KCNMA1: variants seen among roughly 807,000 people sequenced by gnomAD.
The protein encoded by KCNMA1 is Calcium-activated potassium channel subunit alpha-1.
A neutral mutation model predicts 140.0 loss-of-function variants in KCNMA1; 29 were observed. The observed-to-expected ratio is 0.21, with a 90% CI of 0.15 to 0.28. The LOEUF (loss-of-function observed/expected upper bound fraction) is 0.28, where lower values mean the gene tolerates loss of function less well. KCNMA1 is among the 10% of genes least tolerant of loss of function. KCNMA1 has a pLI of 1.00. For missense variants in KCNMA1, 880 were observed against 1,602.2 expected (o/e 0.55, Z 7.70); for synonymous variants, 612 against 611.9 (o/e 1.00, Z 0.00).
intron 2 of KCNMA1, among the ~76,000 whole-genome samples, chr10:77,314,917 AC>A: frequency 7.9e-6 from 1 of 126,440 alleles, no homozygotes; most frequent in South Asian, 2.8e-4. Flanking sequence ...ACACCACCAC[AC>A]CCCCAACACA....
intron 1 of KCNMA1, among the ~76,000 whole-genome samples, chr10:77,632,436 C>T (rs1426790300): frequency 6.6e-6 from 1 of 152,196 alleles, no homozygotes; most frequent in South Asian, 2.1e-4. Flanking sequence ...CCACCAAATG[C>T]CACAGTGTTT....
chr10:77,561,489 C>A (rs541724570), intron 1 of KCNMA1, among the ~76,000 whole-genome samples: 1 of 152,198 alleles, frequency 6.6e-6, no homozygotes, highest in Non-Finnish European at 1.5e-5. Flanking sequence ...AGGGTTTGAA[C>A]CCAGATGGTC....
At chr10:77,522,854 C>G (rs982846855) in intron 1 of KCNMA1, among the ~76,000 whole-genome samples, 2 of 152,172 alleles carry the variant, frequency 1.3e-5, no homozygotes, top group Non-Finnish European at 2.9e-5. Flanking sequence ...TTAATAAACC[C>G]AAACTCTTCC....
At chr10:77,343,217 T>C (rs895182534) in intron 2 of KCNMA1, among the ~76,000 whole-genome samples, 3 of 152,190 alleles carry the variant, frequency 2.0e-5, no homozygotes, top group African/African-American at 7.2e-5. Flanking sequence ...CCAGTAACTG[T>C]TGACAATGGT....
At chr10:77,367,775 G>A (rs1400027115) in intron 2 of KCNMA1, among the ~76,000 whole-genome samples, 3 of 152,136 alleles carry the variant, frequency 2.0e-5, no homozygotes, top group African/African-American at 7.2e-5. Context: ...ACCTATCCAA[G>A]GAAGTAACAT....
In KCNMA1 at chr10:77,134,997, C is replaced by CA. The variant is rs71028253; in HGVS notation, c.809-13950dup. ...TGGGAGACAGAGCAAGACTCTGTCTCAAAAAAAAAAAAAAAAAAAAAAAAA... is the reference window on the plus strand; with the variant it reads ...TGGGAGACAGAGCAAGACTCTGTCTCAAAAAAAAAAAAAAAAAAAAAAAAAA... On this transcript the variant is annotated intron_variant, in intron 5 of 27. Transcript: ENST00000286628. Among the ~76,000 whole-genome samples, 107 of 11,756 alleles carry CA rather than the reference C, an allele frequency of 9.1e-3. 21 individuals carry two copies. Among genetic ancestry groups the CA allele is most frequent in the East Asian group, 0.022 (13 of 602 alleles). 7.7% of individuals were successfully genotyped at this position (11,756 alleles called of 152,430 possible).
At chr10:77,449,822 T>C (rs1172395782) in intron 1 of KCNMA1, among the ~76,000 whole-genome samples, 1 of 152,020 alleles carries the variant, frequency 6.6e-6, no homozygotes, top group East Asian at 1.9e-4. Context: ...TTTTGTATTT[T>C]TAGTAGAGAC....
intron 1 of KCNMA1, among the ~76,000 whole-genome samples, chr10:77,528,820 C>G (rs2056741645): frequency 6.6e-6 from 1 of 152,094 alleles, no homozygotes; most frequent in Admixed American, 6.5e-5. Context: ...GAACATTATG[C>G]TAAGTGGAAG....
At chr10:77,303,633 C>G (rs899410395) in intron 2 of KCNMA1, among the ~76,000 whole-genome samples, 2 of 152,190 alleles carry the variant, frequency 1.3e-5, no homozygotes, top group African/African-American at 4.8e-5. Flanking sequence ...GTACTACAGG[C>G]AGCACAGTCC....
At position 77,001,574 on chromosome 10, in the gene KCNMA1, A is replaced by T. The variant is rs1428586501; in HGVS notation, c.2099T>A (p.Met700Lys). 1 of 1,551,472 alleles carries T rather than the reference A, an allele frequency of 6.4e-7. No homozygotes were observed. Among genetic ancestry groups the T allele is most frequent in the Non-Finnish European group, 8.7e-7 (1 of 1,146,460 alleles). ...CCGTCTCATTCTCTTGTAGATGGAC[A>T]TCTTGGCTATAACCGTGTGGTTGGA... Reference protein sequence around the residue: ...IKKCGCKRPKMSIYKRMRRAC... With the variant: ...IKKCGCKRPKKSIYKRMRRAC... The change falls in exon 19 of 28, where the codon ATG (methionine) becomes AAG (lysine). Residue 700 changes from methionine (M) to lysine (K), a missense_variant. Met to Lys is a moderately conservative substitution (Grantham distance 95, BLOSUM62 -1). Coordinates refer to ENST00000286628, the MANE Select transcript of KCNMA1 (RefSeq NM_001161352.2).
At chr10:76,914,742 G>C in intron 24 of KCNMA1, 194 bp downstream of exon 24, 1 of 537,718 alleles carries the variant, frequency 1.9e-6, no homozygotes, top group Non-Finnish European at 3.4e-6. Flanking sequence ...ATTCATCTCA[G>C]AAGAAAGATA....
intron 1 of KCNMA1, among the ~76,000 whole-genome samples, chr10:77,524,586 T>C (rs1000761513): frequency 6.6e-6 from 1 of 152,220 alleles, no homozygotes; most frequent in Admixed American, 6.5e-5. Context: ...CATGGTGGTA[T>C]GTGTGGTATG....
intron 2 of KCNMA1, among the ~76,000 whole-genome samples, chr10:77,273,727 G>A (rs569956260): frequency 2.2e-4 from 34 of 152,264 alleles, no homozygotes; most frequent in African/African-American, 7.9e-4. Flanking sequence ...AAGCTGTAAA[G>A]GAATCATGGA....
chr10:76,882,854 T>C (rs995167902), downstream of KCNMA1, among the ~76,000 whole-genome samples: 1 of 152,194 alleles, frequency 6.6e-6, no homozygotes, highest in Non-Finnish European at 1.5e-5. Context: ...TACTTCTTTA[T>C]CATATTGTGA....
At chr10:77,360,599 C>T (rs1027202774) in intron 2 of KCNMA1, among the ~76,000 whole-genome samples, 22 of 152,314 alleles carry the variant, frequency 1.4e-4, no homozygotes, top group African/African-American at 4.3e-4. Context: ...GCACCTGGGA[C>T]GACCGGCATC....
chr10:77,135,134 A>G (rs1049271178), intron 5 of KCNMA1, among the ~76,000 whole-genome samples: 4 of 152,010 alleles, frequency 2.6e-5, no homozygotes, highest in African/African-American at 9.7e-5. Context: ...TATAGAGAAC[A>G]CATCTCAATA....
chr10:76,942,322 C>T (rs1205316760), intron 23 of KCNMA1, among the ~76,000 whole-genome samples: 1 of 152,154 alleles, frequency 6.6e-6, no homozygotes, highest in Non-Finnish European at 1.5e-5. Flanking sequence ...ACCTAAACAC[C>T]TCTCAAAGGC....
intron 5 of KCNMA1, among the ~76,000 whole-genome samples, chr10:77,135,014 A>AAAAAAAAAAAAAAAAAG (rs1233930540): frequency 7.0e-6 from 1 of 143,752 alleles, no homozygotes. Flanking sequence ...AAAAAAAAAA[A>AAAAAAAAAAAAAAAAAG]AAAAAAAAAA....
intron 1 of KCNMA1, among the ~76,000 whole-genome samples, chr10:77,503,830 C>A (rs2044783009): frequency 6.6e-6 from 1 of 152,196 alleles, no homozygotes; most frequent in Admixed American, 6.5e-5. Context: ...TTTTTCAGTG[C>A]TGGAAGGGGT....
Sources: gnomAD v4.1 joint callset for allele counts (sites outside exome capture counted in the v4.1 genomes callset) on GRCh38, gnomAD v4.1.1 for gene constraint, MANE v1.5 for transcripts, NCBI Gene and HGNC (gene_info 2026-07-23, HGNC 2026-07-21) for gene names.